EFCAB5: variants seen among roughly 807,000 people sequenced by gnomAD.
EFCAB5 encodes EF-hand calcium-binding domain-containing protein 5.
A neutral mutation model predicts 167.9 loss-of-function variants in EFCAB5; 131 were observed. The ratio of observed to expected loss-of-function variants is 0.78; its 90% CI spans 0.68 to 0.90. EFCAB5 has a LOEUF of 0.90. Among genes scored for constraint, EFCAB5 ranks in the 40% least tolerant of loss-of-function variants. The pLI is 0.00. For missense variants in EFCAB5, 1,663 were observed against 1,745.2 expected, an observed-to-expected ratio of 0.95 and a Z score of 0.84; for synonymous variants, 574 against 602.8, an observed-to-expected ratio of 0.95 and a Z score of 0.70.
intron 7 of EFCAB5, among the ~76,000 whole-genome samples, chr17:30,033,036 T>C (rs1315401004): frequency 2.6e-5 from 4 of 151,966 alleles, no homozygotes; most frequent in Non-Finnish European, 2.9e-5. Flanking sequence ...GCTACCTCTG[T>C]GCGTGAGGCA....
chr17:29,976,545 C>G (rs1244952165), intron 4 of EFCAB5, among the ~76,000 whole-genome samples: 1 of 152,116 alleles, frequency 6.6e-6, no homozygotes, highest in African/African-American at 2.4e-5. Context: ...TAATCCCTAT[C>G]GACTTAAAGC....
intron 3 of EFCAB5, among the ~76,000 whole-genome samples, chr17:29,946,025 G>A (rs1347082837): frequency 2.0e-5 from 3 of 152,034 alleles, no homozygotes; most frequent in Non-Finnish European, 4.4e-5. Context: ...TACAGCAAAA[G>A]AAATAACCAT....
intron 7 of EFCAB5, among the ~76,000 whole-genome samples, chr17:30,019,050 T>G (rs1206924912): frequency 1.3e-5 from 2 of 152,170 alleles, no homozygotes; most frequent in Non-Finnish European, 2.9e-5. Context: ...AATCTTCAGT[T>G]TAGAGGCTTG....
chr17:29,941,896 T>G, intron 1 of EFCAB5, 58 bp downstream of exon 1: 1 of 1,496,224 alleles, frequency 6.7e-7, no homozygotes, highest in Non-Finnish European at 9.1e-7. Flanking sequence ...TCAACATTCT[T>G]GGGAAAATTG....
intron 3 of EFCAB5, among the ~76,000 whole-genome samples, chr17:29,954,377 T>G (rs1415998013): frequency 6.6e-6 from 1 of 152,122 alleles, no homozygotes; most frequent in Non-Finnish European, 1.5e-5. Flanking sequence ...CCTTGGGACT[T>G]GGTGCCCTGC....
chr17:30,023,580 G>A (rs1301232749), intron 7 of EFCAB5, among the ~76,000 whole-genome samples: 3 of 151,866 alleles, frequency 2.0e-5, no homozygotes, highest in African/African-American at 4.8e-5. Context: ...AGATGGATTC[G>A]CTGCCGAATT....
chr17:29,944,249 AT>A (rs1323677990), intron 3 of EFCAB5, among the ~76,000 whole-genome samples: 1 of 151,484 alleles, frequency 6.6e-6, no homozygotes, highest in Non-Finnish European at 1.5e-5. Context: ...CTAGTTTTTT[AT>A]TTTTTATTTT....
In EFCAB5 at chr17:30,069,005, A is replaced by G. The variant is rs773433484; in HGVS notation, c.2738-9210A>G. 262 of 1,428,704 alleles carry G rather than the reference A, an allele frequency of 1.8e-4. No homozygotes were observed. In the Middle Eastern group the frequency reaches 2.5e-3, roughly 14 times the overall value. The allele number at this position is 1,428,704 out of a possible 1,614,324, so 88.5% of individuals were successfully genotyped here. A position where few individuals can be genotyped will look rare whatever the true frequency, so the allele number is the denominator to read the frequency against. ...GCTCACAAGGAGATACATTCCCAGCAAGTGAAGGAGCACAGGACTGCTGTT... is the reference window on the plus strand; with the variant it reads ...GCTCACAAGGAGATACATTCCCAGCGAGTGAAGGAGCACAGGACTGCTGTT... On this transcript the variant is annotated intron_variant, in intron 14 of 22. Transcript: ENST00000394835.
At chr17:30,036,626 C>A (rs1264621406) in intron 8 of EFCAB5, among the ~76,000 whole-genome samples, 2 of 151,912 alleles carry the variant, frequency 1.3e-5, no homozygotes, top group Non-Finnish European at 2.9e-5. Flanking sequence ...CAGAGTCCCA[C>A]TATGTTGCCC....
At chr17:29,988,037 G>A (rs1211601284) in intron 4 of EFCAB5, among the ~76,000 whole-genome samples, 2 of 152,228 alleles carry the variant, frequency 1.3e-5, no homozygotes, top group African/African-American at 2.4e-5. Flanking sequence ...GGCAAGTTGG[G>A]CATCGCTGGA....
In EFCAB5 at chr17:30,108,200, CA is replaced by C; in HGVS notation, c.*182del. On this transcript the variant is annotated 3_prime_UTR_variant, in exon 23 of 23. Coordinates refer to ENST00000394835, the MANE Select transcript of EFCAB5 (RefSeq NM_198529.4). ...AGTGCTACCTAAGAAGAAATTTAGC[CA>C]AAAAATACCCAGCTAAGGTAGCCAT... The C allele has an allele frequency of 1.7e-6, 1 of 594,568 alleles. No homozygotes were observed. The highest frequency in any genetic ancestry group is 2.7e-6 in the Non-Finnish European group (1 of 372,588). The allele number at this position is 594,568 out of a possible 1,614,324, so 36.8% of individuals were successfully genotyped here.
chr17:30,096,668 TATATATA>T (rs1358252756), intron 22 of EFCAB5, among the ~76,000 whole-genome samples: 68 of 62,782 alleles, frequency 1.1e-3, no homozygotes, highest in African/African-American at 4.7e-3. Flanking sequence ...TATATATATA[TATATATA>T]TATTTTTTTT....
chr17:29,933,197 A>C (rs2067216702), intron 1 of EFCAB5, among the ~76,000 whole-genome samples: 1 of 152,220 alleles, frequency 6.6e-6, no homozygotes, highest in Admixed American at 6.5e-5. Context: ...GCTAGGCGCG[A>C]AAGGAGGTAT....
upstream of EFCAB5, among the ~76,000 whole-genome samples, chr17:29,939,418 C>A (rs918759884): frequency 6.6e-6 from 1 of 152,172 alleles, no homozygotes; most frequent in East Asian, 1.9e-4. Context: ...GCTGCATTAG[C>A]CCCAAACAAG....
intron 3 of EFCAB5, among the ~76,000 whole-genome samples, chr17:29,960,026 C>T (rs897298596): frequency 6.6e-6 from 1 of 152,114 alleles, no homozygotes; most frequent in African/African-American, 2.4e-5. Context: ...TGGAAAATTC[C>T]CCTCTGGCCA....
chr17:30,046,482 T>G (rs2069932757), intron 8 of EFCAB5, among the ~76,000 whole-genome samples: 1 of 152,100 alleles, frequency 6.6e-6, no homozygotes, highest in African/African-American at 2.4e-5. Context: ...TATATAGAAA[T>G]CTCTATTTCT....
chr17:29,930,856 G>T (rs928824225), intron 1 of EFCAB5, among the ~76,000 whole-genome samples: 1 of 152,108 alleles, frequency 6.6e-6, no homozygotes, highest in Non-Finnish European at 1.5e-5. Flanking sequence ...AGCTGAGCGC[G>T]CCTGGGAGTC....
intron 6 of EFCAB5, 55 bp downstream of exon 6, chr17:29,996,415 G>A: frequency 1.4e-6 from 2 of 1,409,980 alleles, no homozygotes; most frequent in Non-Finnish European, 9.7e-7. Flanking sequence ...TTGGGTGGGG[G>A]ACACTGAATT....
In EFCAB5 at chr17:30,069,703, G is replaced by A. The variant is rs4465650; in HGVS notation, c.2738-8512G>A. On this transcript the variant is annotated intron_variant, in intron 14 of 22. Transcript: ENST00000394835. ...ACAGGCTGTGTACTCTCATGTACCC[G>A]CCGTAGTCTCATGTACCCCCGGTGC... 10 of 1,183,952 alleles carry A rather than the reference G, an allele frequency of 8.4e-6. No individual in the cohort carries two copies. The Admixed American group carries it at 1.8e-4, about 22-fold the overall frequency. The allele number at this position is 1,183,952 out of a possible 1,614,324, so 73.3% of individuals were successfully genotyped here. A position where few individuals can be genotyped will look rare whatever the true frequency, so the allele number is the denominator to read the frequency against.
Sources: gnomAD v4.1 joint callset for allele counts (sites outside exome capture counted in the v4.1 genomes callset) on GRCh38, gnomAD v4.1.1 for gene constraint, MANE v1.5 for transcripts, NCBI Gene and HGNC (gene_info 2026-07-23, HGNC 2026-07-21) for gene names.